The following CACNA1B variants were observed in gnomAD, a reference collection of about 807,000 sequenced individuals.
CACNA1B encodes calcium voltage-gated channel subunit alpha1 B.
CACNA1B carries 70 observed loss-of-function variants against 247.2 expected under a neutral mutation model. The observed-to-expected ratio is 0.28, with a 90% confidence interval of 0.23 to 0.35. CACNA1B has a LOEUF of 0.35. Ranked by LOEUF, CACNA1B falls within the 10% of genes least tolerant of loss-of-function variation. The pLI is 1.00. For synonymous variants in CACNA1B, 1,231 were observed against 1,294.4 expected (o/e 0.95, Z 1.05); for missense variants, 2,367 against 3,197.4 (o/e 0.74, Z 6.26).
At position 137,917,179 on chromosome 9, in the gene CACNA1B, G is replaced by T; in HGVS notation, c.776-62G>T. 2 of 1,478,260 alleles carry T rather than the reference G, an allele frequency of 1.4e-6. No homozygotes were observed. Among genetic ancestry groups the T allele is most frequent in the Non-Finnish European group, 1.8e-6 (2 of 1,081,348 alleles). 91.6% of individuals were successfully genotyped at this position (1,478,260 alleles called of 1,614,324 possible). A position where few individuals can be genotyped will look rare whatever the true frequency, so the allele number is the denominator to read the frequency against. On this transcript the variant is annotated intron_variant, in intron 5 of 46. Transcript: ENST00000371372. The surrounding 1 kb of genome is among the most constrained non-coding windows in gnomAD (Gnocchi z 5.5). ...GAGCTCTCCAGAGCCCAGGAATCCT[G>T]GTGGGGATTGGAGAGCTTGGTATTT...
intron 36 of CACNA1B, among the ~76,000 whole-genome samples, chr9:138,079,168 G>C (rs537177658): frequency 1.3e-5 from 2 of 152,234 alleles, no homozygotes; most frequent in South Asian, 4.1e-4. Context: ...ACTGCATCAG[G>C]GTGTCTTGGA....
chr9:138,078,390 CT>C, intron 36 of CACNA1B, 132 bp downstream of exon 36: 2 of 867,770 alleles, frequency 2.3e-6, no homozygotes, highest in South Asian at 1.9e-5. Flanking sequence ...GCTGATGGCC[CT>C]TGTTTCCCCA....
rs1958666928 is a variant in CACNA1B at position 138,007,434 on chromosome 9, G to A, written c.2092+550G>A. ...CTAGCAAGGGACCATGATAGGGACA[G>A]GGCTGTGGCCAAGGAAGATCTGGAG... On this transcript the variant is annotated intron_variant, in intron 16 of 46. Transcript: ENST00000371372. This position sits in a 1 kb window ranked among gnomAD's most constrained non-coding sequence, Gnocchi z 4.1. Among the ~76,000 whole-genome samples the A allele has an allele frequency of 6.6e-6, 1 of 152,008 alleles. No individual in the cohort carries two copies. The highest frequency in any genetic ancestry group is 1.5e-5 in the Non-Finnish European group (1 of 68,028).
chr9:137,892,482 C>A, intron 3 of CACNA1B: 1 of 394,262 alleles, frequency 2.5e-6, no homozygotes. Flanking sequence ...CTGCAGAATC[C>A]GCCATAGTTC....
chr9:138,028,673 C>T lies in CACNA1B; in HGVS notation c.3286+3501C>T, dbSNP rs545439177. On this transcript the variant is annotated intron_variant, in intron 20 of 46. Transcript: ENST00000371372. ...TGCAGCCTTCCTTGTAAAATGAAGG[C>T]GCATTCCAGAGGAGAAAGAGAAGTT... Among the ~76,000 whole-genome samples, 196 of 152,294 alleles carry T rather than the reference C, an allele frequency of 1.3e-3. 2 individuals carry two copies. Among genetic ancestry groups the T allele is most frequent in the African/African-American group, 4.4e-3 (183 of 41,556 alleles).
intron 3 of CACNA1B, among the ~76,000 whole-genome samples, chr9:137,895,636 A>G (rs1957164027): frequency 6.6e-6 from 1 of 152,164 alleles, no homozygotes; most frequent in Non-Finnish European, 1.5e-5. Context: ...AAATTTTGGT[A>G]TCTGTATGTC....
At chr9:138,027,449 C>G (rs1172885247) in intron 20 of CACNA1B, among the ~76,000 whole-genome samples, 1 of 152,088 alleles carries the variant, frequency 6.6e-6, no homozygotes, top group Non-Finnish European at 1.5e-5. Context: ...CTAACTCTTT[C>G]TAAGTCTTAC....
intron 39 of CACNA1B, among the ~76,000 whole-genome samples, chr9:138,111,376 T>C (rs1961624083): frequency 6.6e-6 from 1 of 152,202 alleles, no homozygotes; most frequent in Middle Eastern, 3.2e-3. Context: ...TGCACCACAC[T>C]GTGTGAAAGA....
intron 3 of CACNA1B, among the ~76,000 whole-genome samples, chr9:137,901,690 T>A (rs1957242091): frequency 1.2e-5 from 1 of 81,932 alleles, no homozygotes; most frequent in South Asian, 4.4e-4. Flanking sequence ...TTTGTGATTT[T>A]TTTTTTTTTT....
At chr9:137,983,443 C>T (rs535865050) in intron 12 of CACNA1B, among the ~76,000 whole-genome samples, 1 of 152,280 alleles carries the variant, frequency 6.6e-6, no homozygotes, top group East Asian at 1.9e-4. Context: ...ACACCGGGCC[C>T]TGACCAGGAC....
At position 138,096,561 on chromosome 9, in the gene CACNA1B, C is replaced by T. The variant is rs1961061695; in HGVS notation, c.5172C>T (p.His1724=). 4 of 1,612,954 alleles carry T rather than the reference C, an allele frequency of 2.5e-6. No homozygotes were observed. Among genetic ancestry groups the T allele is most frequent in the East Asian group, 2.2e-5 (1 of 44,846 alleles). ...GGGACTCTTCCATCCTAGGTCCTCA[C>T]CACTTGGATGAGTTCATCCGGGTCT... The part of the protein sequence containing the change: ...LTRDSSILGP[H]HLDEFIRVWA... Residue 1724 remains histidine, a synonymous_variant, in exon 37 of 47, where the codon CAC becomes CAT. Coordinates refer to ENST00000371372, the MANE Select transcript of CACNA1B (RefSeq NM_000718.4).
In CACNA1B at chr9:138,121,417, CTTTTTTTT is replaced by C; in HGVS notation, c.6490-41_6490-34del. On this transcript the variant is annotated intron_variant, in intron 46 of 46. Coordinates refer to ENST00000371372, the MANE Select transcript of CACNA1B (RefSeq NM_000718.4). This position sits in a 1 kb window ranked among gnomAD's most constrained non-coding sequence, Gnocchi z 6.8. ...TGATGTGCTCTGTCTGTTGGTTCGG[CTTTTTTTT>C]TTTTTTTTTTACCTCTGATTTGTTC... is the stretch of plus-strand genomic sequence containing the variant. 1.2e-6 allele frequency: 1 copy of C among 866,148 alleles called. No individual in the cohort carries two copies. The highest frequency in any genetic ancestry group is 1.6e-6 in the Non-Finnish European group (1 of 616,906). 53.7% of individuals were successfully genotyped at this position (866,148 alleles called of 1,614,324 possible).
intron 5 of CACNA1B, among the ~76,000 whole-genome samples, chr9:137,915,796 G>A (rs1957403213): frequency 6.6e-6 from 1 of 150,736 alleles, no homozygotes; most frequent in African/African-American, 2.4e-5. Context: ...TCATGGCCAG[G>A]TCATGAGACA....
At chr9:138,049,188 A>AT (rs1959210283) in intron 23 of CACNA1B, 21 bp from the exon 24 acceptor site, 1 of 1,466,758 alleles carries the variant, frequency 6.8e-7, no homozygotes, top group African/African-American at 1.4e-5. Flanking sequence ...GACGTATCTA[A>AT]CGTGTGTTTC....
In CACNA1B at chr9:137,973,963, C is replaced by T. The variant is rs1418654165; in HGVS notation, c.1544-1944C>T. On this transcript the variant is annotated intron_variant, in intron 11 of 46. Transcript: ENST00000371372. This position sits in a 1 kb window ranked among gnomAD's most constrained non-coding sequence, Gnocchi z 4.1. ...TGTGTGCCTGGGTAGCCTCCCCTCC[C>T]AGATCTAGGGTGTGGGTGCCAGCAG... Among the ~76,000 whole-genome samples the T allele has an allele frequency of 6.6e-6, 1 of 152,174 alleles. No individual in the cohort carries two copies.
Position 138,102,669 on chromosome 9 carries a change from A to G in CACNA1B, c.5223-42A>G. 1 of 1,201,058 alleles carries G rather than the reference A, an allele frequency of 8.3e-7. No individual in the cohort carries two copies. Among genetic ancestry groups the G allele is most frequent in the East Asian group, 2.5e-5 (1 of 39,660 alleles). The allele number at this position is 1,201,058 out of a possible 1,614,324, so 74.4% of individuals were successfully genotyped here. ...CCTCCTGCTGCCGCTCCTCCTGTGG[A>G]CCACCCCACTGTGCCCTGGCCTCGC... On this transcript the variant is annotated intron_variant, in intron 37 of 46. Coordinates refer to ENST00000371372, the MANE Select transcript of CACNA1B (RefSeq NM_000718.4). This position sits in a 1 kb window ranked among gnomAD's most constrained non-coding sequence, Gnocchi z 5.4.
intron 10 of CACNA1B, among the ~76,000 whole-genome samples, chr9:137,960,149 C>A (rs1454323639): frequency 9.6e-4 from 96 of 99,958 alleles, no homozygotes; most frequent in African/African-American, 9.4e-4. Context: ...GAGAGGGGAG[C>A]TTGGCCTGAG....
chr9:138,111,557 C>CGGT (rs1487168629), intron 39 of CACNA1B, among the ~76,000 whole-genome samples: 1 of 152,178 alleles, frequency 6.6e-6, no homozygotes, highest in Non-Finnish European at 1.5e-5. Flanking sequence ...CACACCTTGA[C>CGGT]GGTGCTGCTA....
At chr9:138,111,581 A>G in intron 39 of CACNA1B, among the ~76,000 whole-genome samples, 1 of 152,376 alleles carries the variant, frequency 6.6e-6, no homozygotes, top group African/African-American at 2.4e-5. Flanking sequence ...ACATGGGCGT[A>G]TGAATTCACC....
Sources: allele counts gnomAD v4.1 joint callset (sites outside exome capture counted in the v4.1 genomes callset), GRCh38; gene constraint gnomAD v4.1.1; non-coding constraint Gnocchi (gnomAD v3.1); transcripts MANE v1.5; gene names NCBI Gene and HGNC (gene_info 2026-07-23, HGNC 2026-07-21).